Variants in ACKR3 observed in about 807,000 individuals in gnomAD.
ACKR3 encodes the protein C-X-C chemokine receptor type 7.
Under a neutral mutation model 22.4 loss-of-function variants are expected in ACKR3, and 6 were observed. The observed-to-expected ratio is 0.27, with a 90% CI of 0.15 to 0.53. ACKR3 has a LOEUF of 0.53. Ranked by LOEUF, ACKR3 falls within the 20% of genes least tolerant of loss-of-function variation. ACKR3 has a pLI of 0.96. For synonymous variants in ACKR3, 209 were observed against 205.2 expected (o/e 1.02, Z -0.16); for missense variants, 396 against 475.2 (o/e 0.83, Z 1.55).
At chr2:236,550,051 G>A in the ACKR3 span, among the ~76,000 whole-genome samples, 2 of 152,164 alleles carry the variant, frequency 1.3e-5, no homozygotes, top group African/African-American at 2.4e-5. The surrounding 1 kb of genome is among the most constrained non-coding windows in gnomAD (Gnocchi z 4.6). Flanking sequence ...TTTGACAAGG[G>A]CTCTTTAAAT....
chr2:236,575,032 ATG>A (rs533842018), intron 1 of ACKR3, among the ~76,000 whole-genome samples: 76 of 152,192 alleles, frequency 5.0e-4, no homozygotes, highest in African/African-American at 1.8e-3. Flanking sequence ...GAAGGAATGA[ATG>A]AGATAAAACA....
the ACKR3 span, among the ~76,000 whole-genome samples, chr2:236,540,592 A>C: frequency 2.6e-5 from 4 of 152,208 alleles, no homozygotes; most frequent in Non-Finnish European, 4.4e-5. Context: ...AAGGTCACAG[A>C]ACATTTATTT....
At chr2:236,557,122 T>C in the ACKR3 span, among the ~76,000 whole-genome samples, 1 of 152,190 alleles carries the variant, frequency 6.6e-6, no homozygotes, top group Non-Finnish European at 1.5e-5. Context: ...TCTCTCACTA[T>C]GGAGAAAGGA....
the ACKR3 span, among the ~76,000 whole-genome samples, chr2:236,553,089 G>A: frequency 5.3e-5 from 8 of 152,178 alleles, no homozygotes; most frequent in East Asian, 9.6e-4. Context: ...GTTCCAGGCC[G>A]CACAACACCT....
the ACKR3 span, among the ~76,000 whole-genome samples, chr2:236,549,848 T>C: frequency 6.6e-6 from 1 of 152,154 alleles, no homozygotes; most frequent in Admixed American, 6.5e-5. The surrounding 1 kb of genome is among the most constrained non-coding windows in gnomAD (Gnocchi z 5.3). Flanking sequence ...CAGAAGAAAA[T>C]TGGCTGTGAA....
the ACKR3 span, among the ~76,000 whole-genome samples, chr2:236,539,775 AAG>A: frequency 2.0e-5 from 3 of 152,210 alleles, no homozygotes; most frequent in African/African-American, 7.2e-5. Context: ...TTATAAAGGA[AAG>A]AGATTTAACT....
Position 236,577,470 on chromosome 2 carries a change from CT to C in ACKR3, c.-26-2969del. On this transcript the variant is annotated intron_variant, in intron 1 of 1. Coordinates refer to ENST00000272928, the MANE Select transcript of ACKR3 (RefSeq NM_020311.3). This position sits in a 1 kb window ranked among gnomAD's most constrained non-coding sequence, Gnocchi z 5.6. Reference sequence around the variant, plus strand: ...AGTCCCACTCTGGGCTCTGAGAATACTGAAGGCTGCTGGTAGCTCAAAGCGG... The same window carrying C: ...AGTCCCACTCTGGGCTCTGAGAATACGAAGGCTGCTGGTAGCTCAAAGCGG... Among the ~76,000 whole-genome samples, 1 of 152,274 alleles carries C rather than the reference CT, an allele frequency of 6.6e-6. No homozygotes were observed. Among genetic ancestry groups the C allele is most frequent in the East Asian group, 1.9e-4 (1 of 5,168 alleles).
intron 1 of ACKR3, among the ~76,000 whole-genome samples, chr2:236,570,137 G>A (rs140969730): frequency 1.5e-3 from 222 of 152,340 alleles, no homozygotes; most frequent in African/African-American, 5.2e-3. Context: ...TCTTCAGAAA[G>A]CAAAGGGCAG....
chr2:236,541,673 T>C, the ACKR3 span, among the ~76,000 whole-genome samples: 1 of 152,308 alleles, frequency 6.6e-6, no homozygotes. Context: ...ATGATATGGT[T>C]TGGCTGTGTC....
At chr2:236,566,290 A>G (rs75168512), upstream of ACKR3, among the ~76,000 whole-genome samples, 9,600 of 152,242 alleles carry the variant, frequency 0.063, 386 homozygotes, top group Non-Finnish European at 0.1. Flanking sequence ...CCCCTTTCCA[A>G]TAAGCACTCA....
Position 236,581,438 on chromosome 2 carries a change from G to C in ACKR3, c.973G>C (p.Glu325Gln), listed in dbSNP as rs750711958. The C allele has an allele frequency of 1.9e-6, 3 of 1,614,150 alleles. No homozygotes were observed. Among genetic ancestry groups the C allele is most frequent in the South Asian group, 1.1e-5 (1 of 91,076 alleles). Residue 325 changes from glutamate (E) to glutamine (Q), a missense_variant, in exon 2 of 2, where the codon GAG becomes CAG. By Grantham distance (29) the Glu-to-Gln change is conservative. Coordinates refer to ENST00000272928, the MANE Select transcript of ACKR3 (RefSeq NM_020311.3). This position sits in a 1 kb window ranked among gnomAD's most constrained non-coding sequence, Gnocchi z 4.4. ...CTTCATCAATCGCAACTACAGGTAC[G>C]AGCTGATGAAGGCCTTCATCTTCAA... ...YSFINRNYRYELMKAFIFKYS... is the reference protein window; with the variant it reads ...YSFINRNYRYQLMKAFIFKYS...
At chr2:236,564,078 C>T (rs1305685083), upstream of ACKR3, among the ~76,000 whole-genome samples, 1 of 152,230 alleles carries the variant, frequency 6.6e-6, no homozygotes, top group Non-Finnish European at 1.5e-5. Flanking sequence ...TTCCATGCCC[C>T]TGCGACAGGG....
the ACKR3 span, among the ~76,000 whole-genome samples, chr2:236,557,256 ATGTG>A: frequency 6.4e-4 from 89 of 138,506 alleles, no homozygotes; most frequent in East Asian, 8.1e-3. Flanking sequence ...ATGTGAACGT[ATGTG>A]TGTGTGTGTG....
intron 1 of ACKR3, among the ~76,000 whole-genome samples, chr2:236,579,799 G>A (rs1288042318): frequency 6.6e-6 from 1 of 152,206 alleles, no homozygotes; most frequent in East Asian, 1.9e-4. Context: ...AAGCTGTGGG[G>A]CACCCTGCGT....
the ACKR3 span, among the ~76,000 whole-genome samples, chr2:236,537,580 G>A: frequency 6.6e-6 from 1 of 152,206 alleles, no homozygotes; most frequent in African/African-American, 2.4e-5. Context: ...AAGTGGTACA[G>A]GGCCCCTTGG....
the ACKR3 span, among the ~76,000 whole-genome samples, chr2:236,551,873 G>A: frequency 9.9e-5 from 15 of 152,104 alleles, no homozygotes; most frequent in African/African-American, 3.6e-4. Context: ...GGGCCCACCC[G>A]ACTCTGAGAC....
At chr2:236,550,687 C>G in the ACKR3 span, among the ~76,000 whole-genome samples, 2 of 152,180 alleles carry the variant, frequency 1.3e-5, no homozygotes, top group African/African-American at 4.8e-5. This position sits in a 1 kb window ranked among gnomAD's most constrained non-coding sequence, Gnocchi z 4.6. Flanking sequence ...CATGAAACCT[C>G]TCGGAGCCTC....
At chr2:236,560,478 T>C in the ACKR3 span, among the ~76,000 whole-genome samples, 2 of 152,208 alleles carry the variant, frequency 1.3e-5, no homozygotes, top group African/African-American at 4.8e-5. Context: ...CATGTCTTCT[T>C]TGGAGAAATG....
At chr2:236,539,998 C>T in the ACKR3 span, among the ~76,000 whole-genome samples, 1 of 152,198 alleles carries the variant, frequency 6.6e-6, no homozygotes, top group African/African-American at 2.4e-5. Context: ...CACCTTGCCC[C>T]GTCCTTGACA....
Sources: allele counts gnomAD v4.1 joint callset (sites outside exome capture counted in the v4.1 genomes callset), GRCh38; gene constraint gnomAD v4.1.1; non-coding constraint Gnocchi (gnomAD v3.1); transcripts MANE v1.5; gene names NCBI Gene and HGNC (gene_info 2026-07-23, HGNC 2026-07-21).